Variants in PHLDB2 observed in about 807,000 individuals in gnomAD.
The protein encoded by PHLDB2 is pleckstrin homology like domain family B member 2.
A neutral mutation model predicts 123.6 loss-of-function variants in PHLDB2; 71 were observed. That is an observed-to-expected ratio of 0.57 (90% CI 0.47 to 0.70). The LOEUF (loss-of-function observed/expected upper bound fraction) is 0.70, where lower values mean the gene tolerates loss of function less well. Among genes scored for constraint, PHLDB2 ranks in the 30% least tolerant of loss-of-function variants. The probability of loss-of-function intolerance (pLI) is 0.00; values close to 1 mark genes in which losing one functional copy is unlikely to be tolerated. For missense variants in PHLDB2, 1,446 were observed against 1,519.5 expected, an observed-to-expected ratio of 0.95 and a Z score of 0.80; for synonymous variants, 547 against 541.6, an observed-to-expected ratio of 1.01 and a Z score of -0.14.
At chr3:111,837,814 AG>A (rs1263965577) in intron 1 of PHLDB2, among the ~76,000 whole-genome samples, 1 of 152,184 alleles carries the variant, frequency 6.6e-6, no homozygotes, top group Non-Finnish European at 1.5e-5. Context: ...AGGCCAAGGC[AG>A]GAGGATAACT....
intron 2 of PHLDB2, chr3:111,911,525 C>T (rs1026950289): frequency 8.8e-7 from 1 of 1,137,224 alleles, no homozygotes; most frequent in African/African-American, 1.5e-5. Flanking sequence ...GTCCCCCCTG[C>T]TTCCTCCCTA....
intron 11 of PHLDB2, 21 bp downstream of exon 11, chr3:111,952,733 C>G: frequency 6.2e-7 from 1 of 1,602,652 alleles, no homozygotes; most frequent in Non-Finnish European, 8.5e-7. Flanking sequence ...GGAGAAACCA[C>G]GGGCTTCCCA....
At chr3:111,763,586 T>C (rs950161732) in intron 1 of PHLDB2, among the ~76,000 whole-genome samples, 2 of 152,324 alleles carry the variant, frequency 1.3e-5, no homozygotes, top group African/African-American at 2.4e-5. Flanking sequence ...CTACAACTAC[T>C]ACTCTACTGC....
At chr3:111,781,711 C>T (rs1353821613) in intron 1 of PHLDB2, among the ~76,000 whole-genome samples, 4 of 152,100 alleles carry the variant, frequency 2.6e-5, no homozygotes, top group Non-Finnish European at 4.4e-5. Context: ...AATTTTCTTC[C>T]GCCTTCTGCT....
intron 1 of PHLDB2, among the ~76,000 whole-genome samples, chr3:111,868,367 C>T (rs1007826545): frequency 6.6e-6 from 1 of 152,160 alleles, no homozygotes; most frequent in Non-Finnish European, 1.5e-5. Flanking sequence ...GGATCCAAAA[C>T]CATGTCCACA....
intron 1 of PHLDB2, among the ~76,000 whole-genome samples, chr3:111,825,418 T>C (rs901977923): frequency 7.2e-5 from 11 of 152,144 alleles, no homozygotes; most frequent in Non-Finnish European, 1.5e-4. Context: ...GTAAAAAAAA[T>C]AGCCATTCTA....
At chr3:111,756,206 C>T (rs568499675) in intron 1 of PHLDB2, among the ~76,000 whole-genome samples, 4,418 of 151,640 alleles carry the variant, frequency 0.029, 88 homozygotes, top group Non-Finnish European at 0.042. Flanking sequence ...TCCTGGGTAT[C>T]CTTGTTAACT....
intron 12 of PHLDB2, among the ~76,000 whole-genome samples, chr3:111,960,617 C>A (rs1334102440): frequency 6.6e-6 from 1 of 152,152 alleles, no homozygotes; most frequent in East Asian, 1.9e-4. Flanking sequence ...CTGAGAAAGC[C>A]ATTGAGAATT....
intron 1 of PHLDB2, among the ~76,000 whole-genome samples, chr3:111,772,356 T>A (rs116218761): frequency 0.016 from 2,458 of 152,128 alleles, 68 homozygotes; most frequent in African/African-American, 0.055. Context: ...TTAGACTATA[T>A]TAACAGAAAG....
At chr3:111,846,746 G>T (rs1185882957) in intron 2 of PHLDB2, among the ~76,000 whole-genome samples, 1 of 152,134 alleles carries the variant, frequency 6.6e-6, no homozygotes, top group East Asian at 1.9e-4. Context: ...CACAGAGAAG[G>T]AGAGACAAAG....
intron 13 of PHLDB2, among the ~76,000 whole-genome samples, chr3:111,963,408 A>G (rs539403298): frequency 6.6e-6 from 1 of 152,326 alleles, no homozygotes; most frequent in East Asian, 1.9e-4. Context: ...TAGTATTCAG[A>G]ATACTCTTCT....
intron 13 of PHLDB2, among the ~76,000 whole-genome samples, chr3:111,963,892 C>T (rs2071584509): frequency 6.6e-6 from 1 of 152,138 alleles, no homozygotes; most frequent in Non-Finnish European, 1.5e-5. Flanking sequence ...AACATTGGTT[C>T]CTCATTACCT....
Position 111,767,087 on chromosome 3 carries a change from T to TC in PHLDB2, c.-49+34385dup, listed in dbSNP as rs2060097627. 2.7e-5 allele frequency among the ~76,000 whole-genome samples: 4 copies of TC among 150,012 alleles called. No homozygotes were observed. The South Asian group carries it at 8.4e-4, about 32-fold the overall frequency. ...AAAACAGTATTAAAGCAAAGGAGTC[T>TC]CTTTACATGCATTATATCAACTGAG... is the stretch of plus-strand genomic sequence containing the variant. On this transcript the variant is annotated intron_variant, in intron 1 of 17. Coordinates refer to the PHLDB2 transcript ENST00000393923.
chr3:111,892,804 C>T (rs897558757), intron 2 of PHLDB2, among the ~76,000 whole-genome samples: 1 of 152,050 alleles, frequency 6.6e-6, no homozygotes, highest in Non-Finnish European at 1.5e-5. Flanking sequence ...GATGATAGAT[C>T]TAATGTTTCT....
intron 11 of PHLDB2, 22 bp downstream of exon 11, chr3:111,952,734 G>A (rs368377636): frequency 5.1e-5 from 81 of 1,602,218 alleles, no homozygotes; most frequent in Non-Finnish European, 5.4e-5. Flanking sequence ...GAGAAACCAC[G>A]GGCTTCCCAT....
At chr3:111,831,829 G>A (rs567356024) in intron 1 of PHLDB2, among the ~76,000 whole-genome samples, 9 of 152,254 alleles carry the variant, frequency 5.9e-5, no homozygotes, top group Admixed American at 3.9e-4. Flanking sequence ...ATAAAGATTA[G>A]TTTCACAAGT....
At chr3:111,946,231 A>C (rs1341214693) in intron 9 of PHLDB2, among the ~76,000 whole-genome samples, 1 of 152,184 alleles carries the variant, frequency 6.6e-6, no homozygotes, top group Non-Finnish European at 1.5e-5. Flanking sequence ...CATATTGGTC[A>C]GGCCAGTCTC....
At chr3:111,732,657 A>G in exon 1 of PHLDB2, 2 of 1,535,866 alleles carry the variant, frequency 1.3e-6, no homozygotes, top group African/African-American at 1.4e-5. Context: ...CTGCTGAGTC[A>G]GGAAAGAAGC....
At chr3:111,827,628 T>C (rs1163475341) in intron 1 of PHLDB2, among the ~76,000 whole-genome samples, 1 of 142,282 alleles carries the variant, frequency 7.0e-6, no homozygotes. Flanking sequence ...GAGCCGAGAT[T>C]GGAGATTGTG....
Sources: allele counts gnomAD v4.1 joint callset (sites outside exome capture counted in the v4.1 genomes callset), GRCh38; gene constraint gnomAD v4.1.1; transcripts MANE v1.5; gene names NCBI Gene and HGNC (gene_info 2026-07-23, HGNC 2026-07-21).